Variants in IFT56 observed in about 807,000 individuals in gnomAD.
The protein encoded by IFT56 is intraflagellar transport 56.
At chr7:139,181,280 CT>C in the IFT56 span, 19 of 1,064,954 alleles carry the variant, frequency 1.8e-5, 2 homozygotes, top group African/African-American at 2.7e-4. Flanking sequence ...GGAAAATGTC[CT>C]GCAGACTAAA....
chr7:139,179,997 A>C, the IFT56 span, among the ~76,000 whole-genome samples: 3 of 152,214 alleles, frequency 2.0e-5, no homozygotes, highest in Admixed American at 6.5e-5. Context: ...ACTATGGGTC[A>C]AGTCTGAAAA....
At chr7:139,173,682 G>T in the IFT56 span, 1 of 772,290 alleles carries the variant, frequency 1.3e-6, no homozygotes. Flanking sequence ...TTGGCATGTG[G>T]CATAGCATGA....
the IFT56 span, among the ~76,000 whole-genome samples, chr7:139,183,346 A>T: frequency 5.1e-3 from 776 of 152,344 alleles, 8 homozygotes; most frequent in African/African-American, 0.018. Flanking sequence ...GCTAAAATTT[A>T]TTACACTACA....
At chr7:139,171,615 C>T in the IFT56 span, among the ~76,000 whole-genome samples, 1 of 152,112 alleles carries the variant, frequency 6.6e-6, no homozygotes, top group African/African-American at 2.4e-5. Flanking sequence ...ATAAATTATG[C>T]TGGGAAAACT....
At chr7:139,163,297 G>A in the IFT56 span, among the ~76,000 whole-genome samples, 7 of 149,854 alleles carry the variant, frequency 4.7e-5, no homozygotes, top group African/African-American at 7.4e-5. Context: ...AGCGAAGATC[G>A]CGCCACTGCA....
chr7:139,171,004 G>T, the IFT56 span, among the ~76,000 whole-genome samples: 2 of 152,184 alleles, frequency 1.3e-5, no homozygotes, highest in African/African-American at 4.8e-5. Flanking sequence ...TGGTAAAATT[G>T]CAGGATACAA....
the IFT56 span, chr7:139,168,374 G>A: frequency 1.9e-6 from 3 of 1,611,422 alleles, no homozygotes; most frequent in Non-Finnish European, 2.5e-6. Flanking sequence ...GGTCAATGCA[G>A]CCCTTGGCCA....
At chr7:139,148,880 G>A in the IFT56 span, among the ~76,000 whole-genome samples, 4 of 152,022 alleles carry the variant, frequency 2.6e-5, no homozygotes, top group Admixed American at 2.0e-4. Flanking sequence ...CAGCCTAGGT[G>A]ACAGAGCGAG....
At chr7:139,172,456 T>C in the IFT56 span, 1 of 388,306 alleles carries the variant, frequency 2.6e-6, no homozygotes, top group Admixed American at 3.7e-5. Flanking sequence ...GTTGTTCATC[T>C]GGAACCCAGA....
the IFT56 span, among the ~76,000 whole-genome samples, chr7:139,184,279 C>CTG: frequency 1.3e-5 from 2 of 152,018 alleles, no homozygotes; most frequent in Non-Finnish European, 2.9e-5. Context: ...TATCCTCTTG[C>CTG]TGTGTGTGTG....
chr7:139,145,372 T>C, the IFT56 span, among the ~76,000 whole-genome samples: 1 of 145,198 alleles, frequency 6.9e-6, no homozygotes, highest in East Asian at 2.1e-4. Context: ...GGGATCTTGG[T>C]ATCTCAAGTC....
chr7:139,175,717 G>A, the IFT56 span, among the ~76,000 whole-genome samples: 1 of 152,010 alleles, frequency 6.6e-6, no homozygotes, highest in Non-Finnish European at 1.5e-5. Flanking sequence ...GAGATAGGGA[G>A]TAGAATGATG....
chr7:139,138,812 T>C, the IFT56 span, among the ~76,000 whole-genome samples: 1 of 89,656 alleles, frequency 1.1e-5, no homozygotes, highest in Non-Finnish European at 1.7e-5. Context: ...ATGGATTTAC[T>C]TTTTTTTTTT....
At chr7:139,141,261 A>G in the IFT56 span, among the ~76,000 whole-genome samples, 1 of 151,838 alleles carries the variant, frequency 6.6e-6, no homozygotes, top group African/African-American at 2.4e-5. Context: ...ACTCTGAAAA[A>G]AAAAAAAAAA....
At chr7:139,184,776 C>T in the IFT56 span, among the ~76,000 whole-genome samples, 19 of 152,226 alleles carry the variant, frequency 1.2e-4, 1 homozygote, top group South Asian at 2.1e-3. Context: ...CTGGGCAGGC[C>T]GGGCGTGGTG....
the IFT56 span, among the ~76,000 whole-genome samples, chr7:139,145,878 A>T: frequency 6.6e-6 from 1 of 152,142 alleles, no homozygotes; most frequent in Admixed American, 6.6e-5. Flanking sequence ...AAAATAATAC[A>T]TGTTCATCAT....
chr7:139,138,204 A>G, the IFT56 span, among the ~76,000 whole-genome samples: 1 of 152,184 alleles, frequency 6.6e-6, no homozygotes, highest in Non-Finnish European at 1.5e-5. Flanking sequence ...CCCGAGGTCA[A>G]TCTGAGTTAC....
the IFT56 span, among the ~76,000 whole-genome samples, chr7:139,143,426 CAT>C: frequency 0.022 from 3,412 of 152,160 alleles, 90 homozygotes; most frequent in African/African-American, 0.076. Flanking sequence ...TAGACTGAAA[CAT>C]ATATTATCAT....
At chr7:139,190,402 C>A in the IFT56 span, 2 of 152,290 alleles carry the variant, frequency 1.3e-5, no homozygotes, top group African/African-American at 4.8e-5. Flanking sequence ...CCCGCCACCG[C>A]GCCCGGCTAA....
Sources: allele counts gnomAD v4.1 joint callset (sites outside exome capture counted in the v4.1 genomes callset), GRCh38; gene constraint gnomAD v4.1.1; transcripts MANE v1.5; gene names NCBI Gene and HGNC (gene_info 2026-07-23, HGNC 2026-07-21).